SP8: variants seen among roughly 807,000 people sequenced by gnomAD.
SP8 encodes Sp8 transcription factor.
In SP8, 7 loss-of-function variants were observed where a neutral mutation model predicts 15.3. That is an observed-to-expected ratio of 0.46 (90% CI 0.26 to 0.86). The LOEUF is 0.86. Ranked by LOEUF, SP8 falls within the 40% of genes least tolerant of loss-of-function variation. The pLI, the probability that SP8 is intolerant of heterozygous loss-of-function variation, is 0.16. For synonymous variants in SP8, 415 were observed against 356.3 expected (o/e 1.16, Z -1.86); for missense variants, 731 against 736.4 (o/e 0.99, Z 0.09).
rs2128063630 is a variant in SP8 at position 20,785,337 on chromosome 7, C to CAGGG, written c.479_480insCCCT (p.Gly161ProfsTer49). On this transcript the variant is annotated frameshift_variant, in exon 2 of 2. Transcript: ENST00000418710. LOFTEE classifies it low-confidence loss of function (END_TRUNC). The surrounding 1 kb of genome is among the most constrained non-coding windows in gnomAD (Gnocchi z 7.2). ...GCGCGGAGGAGCCGCCGCCGCCGCC[C>CAGGG]CCGCCGCCGCCGCCGCTGCCCCCGG... 67 of 1,368,478 alleles carry CAGGG rather than the reference C, an allele frequency of 4.9e-5. No homozygotes were observed. The highest frequency in any genetic ancestry group is 5.5e-5 in the Non-Finnish European group (56 of 1,021,268). 84.8% of individuals were successfully genotyped at this position (1,368,478 alleles called of 1,614,324 possible).
At position 20,784,198 on chromosome 7, in the gene SP8, T is replaced by A. The variant is rs936740772; in HGVS notation, c.*92A>T. 8.9e-7 allele frequency: 1 copy of A among 1,125,716 alleles called. No homozygotes were observed. The highest frequency in any genetic ancestry group is 1.7e-5 in the African/African-American group (1 of 60,074). The allele number at this position is 1,125,716 out of a possible 1,614,324, so 69.7% of individuals were successfully genotyped here. ...GAGACAGAGAGCGAGTCGGATGCAA[T>A]AGGGAAAGGCTGGAGTTGAAGTCCG... On this transcript the variant is annotated 3_prime_UTR_variant, in exon 2 of 2. Transcript: ENST00000418710.
At position 20,784,881 on chromosome 7, in the gene SP8, C is replaced by A; in HGVS notation, c.936G>T (p.Ser312=). The A allele has an allele frequency of 6.5e-7, 1 of 1,528,586 alleles. No homozygotes were observed. The highest frequency in any genetic ancestry group is 8.7e-7 in the Non-Finnish European group (1 of 1,144,004). 94.7% of individuals were successfully genotyped at this position (1,528,586 alleles called of 1,614,324 possible). ...CCGCGCCGGCCAGCGGCGACGGGGC[C>A]GAGTCCGGGTAGGAGCCGGGTAGCA... ...KPVLPGSYPD[S]APSPLAGAGG... The change falls in exon 2 of 2, where the codon TCG becomes TCT. Residue 312 remains serine, a synonymous_variant. Coordinates refer to ENST00000418710, the MANE Select transcript of SP8 (RefSeq NM_182700.6).
chr7:20,786,878 C>A lies in SP8; in HGVS notation c.-80G>T. 7 of 1,150,668 alleles carry A rather than the reference C, an allele frequency of 6.1e-6. No homozygotes were observed. Among genetic ancestry groups the A allele is most frequent in the Non-Finnish European group, 9.3e-6 (7 of 756,604 alleles). The allele number at this position is 1,150,668 out of a possible 1,614,324, so 71.3% of individuals were successfully genotyped here. A position where few individuals can be genotyped will look rare whatever the true frequency, so the allele number is the denominator to read the frequency against. Reference sequence around the variant, plus strand: ...AGGCAGTGTTTTTTTTAGAGGTGTGCAATACAATGATCAGTTCCGCCCATT... The same window carrying A: ...AGGCAGTGTTTTTTTTAGAGGTGTGAAATACAATGATCAGTTCCGCCCATT... On this transcript the variant is annotated 5_prime_UTR_variant, in exon 1 of 2. Transcript: ENST00000418710. The surrounding 1 kb of genome is among the most constrained non-coding windows in gnomAD (Gnocchi z 4.4).
Position 20,784,363 on chromosome 7 carries a change from G to T in SP8, c.1454C>A (p.Ala485Glu). ...GSDTDSEHSA[A>E]GSPPCHSPEL... ...TGGGGAGTGGCAGGGCGGGCTGCCC[G>T]CGGCGCTGTGCTCGCTGTCGGTGTC... The change falls in exon 2 of 2, where the codon GCG (alanine) becomes GAG (glutamate). Residue 485 changes from alanine (A) to glutamate (E), a missense_variant. Around this residue, in one of 3 missense-constraint regions of SP8, gnomAD observed 114 missense variants for 111.9 expected, o/e 1.02. Transcript: ENST00000418710. The T allele has an allele frequency of 6.6e-7, 1 of 1,522,726 alleles. No individual in the cohort carries two copies. Among genetic ancestry groups the T allele is most frequent in the Non-Finnish European group, 8.8e-7 (1 of 1,142,048 alleles). The allele number at this position is 1,522,726 out of a possible 1,614,324, so 94.3% of individuals were successfully genotyped here.
chr7:20,786,832 T>A lies in SP8; in HGVS notation c.-34A>T. 6.4e-7 allele frequency: 1 copy of A among 1,570,322 alleles called. No individual in the cohort carries two copies. Among genetic ancestry groups the A allele is most frequent in the Non-Finnish European group, 8.8e-7 (1 of 1,140,032 alleles). On this transcript the variant is annotated 5_prime_UTR_variant, in exon 1 of 2. The change creates a new upstream start codon in the 5' untranslated region. Transcript: ENST00000418710. The surrounding 1 kb of genome is among the most constrained non-coding windows in gnomAD (Gnocchi z 4.4). ...AGTGCCCTCCTCCTCTCAGAGGATC[T>A]TTTTTATATTGATAAATCAGAGGCA... is the stretch of plus-strand genomic sequence containing the variant.
chr7:20,785,321 A>AGCCGCCGCC lies in SP8; in HGVS notation c.487_495dup (p.Gly163_Gly165dup), dbSNP rs372591893. On this transcript the variant is annotated inframe_insertion, in exon 2 of 2. Transcript: ENST00000418710. The surrounding 1 kb of genome is among the most constrained non-coding windows in gnomAD (Gnocchi z 7.2). Reference sequence around the variant, plus strand: ...GAGCCGTCCTGCGAGTGCGCGGAGGAGCCGCCGCCGCCGCCCCCGCCGCCG... The same window carrying AGCCGCCGCC: ...GAGCCGTCCTGCGAGTGCGCGGAGGAGCCGCCGCCGCCGCCGCCGCCGCCCCCGCCGCCG... 3.4e-6 allele frequency: 5 copies of AGCCGCCGCC among 1,488,016 alleles called. No homozygotes were observed. The highest frequency in any genetic ancestry group is 2.3e-5 in the Admixed American group (1 of 43,110). The allele number at this position is 1,488,016 out of a possible 1,614,324, so 92.2% of individuals were successfully genotyped here.
Position 20,786,057 on chromosome 7 carries a change from T to TG in SP8, c.22-263dup. The TG allele has an allele frequency of 2.2e-6, 3 of 1,349,876 alleles. No individual in the cohort carries two copies. The highest frequency in any genetic ancestry group is 2.9e-6 in the Non-Finnish European group (3 of 1,048,062). 83.6% of individuals were successfully genotyped at this position (1,349,876 alleles called of 1,614,324 possible). A position where few individuals can be genotyped will look rare whatever the true frequency, so the allele number is the denominator to read the frequency against. ...GCAAGCACCACGCTAAAGAAGAGTT[T>TG]GACAAGTATTCTCACCTAAAACAAC... On this transcript the variant is annotated intron_variant, in intron 1 of 1. Transcript: ENST00000418710. This position sits in a 1 kb window ranked among gnomAD's most constrained non-coding sequence, Gnocchi z 4.4.
At position 20,784,507 on chromosome 7, in the gene SP8, G is replaced by A. The variant is rs375071862; in HGVS notation, c.1310C>T (p.Pro437Leu). 31 of 1,563,016 alleles carry A rather than the reference G, an allele frequency of 2.0e-5. No homozygotes were observed. Among genetic ancestry groups the A allele is most frequent in the African/African-American group, 2.7e-5 (2 of 73,528 alleles). ...THTGEKRFAC[P>L]VCNKRFMRSD... Reference sequence around the variant, plus strand: ...GCGCATGAAGCGCTTGTTGCAAACTGGACAGGCGAAGCGCTTCTCGCCGGT... The same window carrying A: ...GCGCATGAAGCGCTTGTTGCAAACTAGACAGGCGAAGCGCTTCTCGCCGGT... The change falls in exon 2 of 2, where the codon CCA becomes CTA. Residue 437 changes from proline (P) to leucine (L), a missense_variant. Transcript: ENST00000418710.
Position 20,785,522 on chromosome 7 carries a change from C to T in SP8, c.295G>A (p.Ala99Thr), listed in dbSNP as rs1783645743. Residue 99 changes from alanine (A) to threonine (T), a missense_variant, in exon 2 of 2, where the codon GCC (alanine) becomes ACC (threonine). Coordinates refer to ENST00000418710, the MANE Select transcript of SP8 (RefSeq NM_182700.6). This position sits in a 1 kb window ranked among gnomAD's most constrained non-coding sequence, Gnocchi z 7.2. Reference protein sequence around the residue: ...AAAAAAAAAAALVSDSFSCGG... With the variant: ...AAAAAAAAAATLVSDSFSCGG... ...CAGCTGAACGAGTCGGACACCAGGG[C>T]CGCGGCAGCCGCGGCTGCTGCCGCG... The T allele has an allele frequency of 2.8e-6, 4 of 1,441,300 alleles. No homozygotes were observed. Among genetic ancestry groups the T allele is most frequent in the Non-Finnish European group, 3.6e-6 (4 of 1,106,752 alleles). The allele number at this position is 1,441,300 out of a possible 1,614,324, so 89.3% of individuals were successfully genotyped here. A position where few individuals can be genotyped will look rare whatever the true frequency, so the allele number is the denominator to read the frequency against.
chr7:20,784,508 G>T lies in SP8; in HGVS notation c.1309C>A (p.Pro437Thr), dbSNP rs1783601410. 1 of 1,563,170 alleles carries T rather than the reference G, an allele frequency of 6.4e-7. No homozygotes were observed. The highest frequency in any genetic ancestry group is 2.4e-5 in the East Asian group (1 of 41,852). Reference protein sequence around the residue: ...THTGEKRFACPVCNKRFMRSD... With the variant: ...THTGEKRFACTVCNKRFMRSD... ...CGCATGAAGCGCTTGTTGCAAACTG[G>T]ACAGGCGAAGCGCTTCTCGCCGGTG... Residue 437 changes from proline (P) to threonine (T), a missense_variant, in exon 2 of 2, where the codon CCA (proline) becomes ACA (threonine). By Grantham distance (38) the Pro-to-Thr change is conservative. This residue lies in a region of SP8 where 114 missense variants were observed against 111.9 expected (regional missense o/e 1.02). Transcript: ENST00000418710.
rs564793442 is a variant in SP8, at chr7:20,783,233, G to A, written c.*1057C>T. 3 of 152,696 alleles carry A rather than the reference G, an allele frequency of 2.0e-5. No individual in the cohort carries two copies. The highest frequency in any genetic ancestry group is 7.2e-5 in the African/African-American group (3 of 41,532). 9.5% of individuals were successfully genotyped at this position (152,696 alleles called of 1,614,324 possible). On this transcript the variant is annotated 3_prime_UTR_variant, in exon 2 of 2. Transcript: ENST00000418710. Reference sequence around the variant, plus strand: ...GCCGGACTAACAAAAAAGATTGGGAGGTTATGTTTGGGAGTGGTGAAAAAA... The same window carrying A: ...GCCGGACTAACAAAAAAGATTGGGAAGTTATGTTTGGGAGTGGTGAAAAAA...
At position 20,784,326 on chromosome 7, in the gene SP8, C is replaced by A. The variant is rs1400112706; in HGVS notation, c.1491G>T (p.Gln497His). The A allele has an allele frequency of 6.6e-7, 1 of 1,505,720 alleles. No individual in the cohort carries two copies. The highest frequency in any genetic ancestry group is 8.8e-7 in the Non-Finnish European group (1 of 1,134,356). 93.3% of individuals were successfully genotyped at this position (1,505,720 alleles called of 1,614,324 possible). A position where few individuals can be genotyped will look rare whatever the true frequency, so the allele number is the denominator to read the frequency against. Residue 497 changes from glutamine (Q) to histidine (H), a missense_variant, in exon 2 of 2, where the codon CAG (glutamine) becomes CAT (histidine). By Grantham distance (24) the Gln-to-His change is conservative. Around this residue, in one of 3 missense-constraint regions of SP8, gnomAD observed 114 missense variants for 111.9 expected, o/e 1.02. Coordinates refer to ENST00000418710, the MANE Select transcript of SP8 (RefSeq NM_182700.6). Reference sequence around the variant, plus strand: ...CGTTGCGGTGCCCGGGCTCGGGGGGCTGCAGCAGCTCTGGGGAGTGGCAGG... The same window carrying A: ...CGTTGCGGTGCCCGGGCTCGGGGGGATGCAGCAGCTCTGGGGAGTGGCAGG... ...SPPCHSPELL[Q>H]PPEPGHRNGL...
At position 20,785,242 on chromosome 7, in the gene SP8, C is replaced by T. The variant is rs767890193; in HGVS notation, c.575G>A (p.Gly192Asp). 1.9e-6 allele frequency: 3 copies of T among 1,597,030 alleles called. No homozygotes were observed. The highest frequency in any genetic ancestry group is 1.7e-5 in the Admixed American group (1 of 58,818). ...KVHTSVDGLQGIYPRVGMAHP... is the reference protein window; with the variant it reads ...KVHTSVDGLQDIYPRVGMAHP... ...CGCCATGCCCACCCGCGGGTAGATG[C>T]CCTGCAGCCCGTCCACAGAGGTGTG... Residue 192 changes from glycine (G) to aspartate (D), a missense_variant, in exon 2 of 2, where the codon GGC (glycine) becomes GAC (aspartate). Transcript: ENST00000418710. This position sits in a 1 kb window ranked among gnomAD's most constrained non-coding sequence, Gnocchi z 7.2.
rs749454393 is a variant in SP8, at chr7:20,786,745, A to C, written c.21+33T>G. On this transcript the variant is annotated intron_variant, in intron 1 of 1. Coordinates refer to ENST00000418710, the MANE Select transcript of SP8 (RefSeq NM_182700.6). The surrounding 1 kb of genome is among the most constrained non-coding windows in gnomAD (Gnocchi z 4.4). ...TCCAATCGGCAATAAAAGGAAACTAATTAAACCAGCAAGAGAAAATCCTGA... is the reference window on the plus strand; with the variant it reads ...TCCAATCGGCAATAAAAGGAAACTACTTAAACCAGCAAGAGAAAATCCTGA... 3 of 1,610,826 alleles carry C rather than the reference A, an allele frequency of 1.9e-6. No homozygotes were observed. Among genetic ancestry groups the C allele is most frequent in the Non-Finnish European group, 2.5e-6 (3 of 1,177,118 alleles).
chr7:20,786,838 A>G lies in SP8; in HGVS notation c.-40T>C. ...CTCCTCCTCTCAGAGGATCTTTTTT[A>G]TATTGATAAATCAGAGGCAGTGTTT... On this transcript the variant is annotated 5_prime_UTR_variant, in exon 1 of 2. Transcript: ENST00000418710. This position sits in a 1 kb window ranked among gnomAD's most constrained non-coding sequence, Gnocchi z 4.4. The G allele has an allele frequency of 1.3e-6, 2 of 1,539,530 alleles. No homozygotes were observed. The highest frequency in any genetic ancestry group is 1.8e-6 in the Non-Finnish European group (2 of 1,111,726).
In SP8 at chr7:20,784,510, C is replaced by T; in HGVS notation, c.1307G>A (p.Cys436Tyr). The stretch of plus-strand genomic sequence containing the variant: ...CATGAAGCGCTTGTTGCAAACTGGA[C>T]AGGCGAAGCGCTTCTCGCCGGTGTG... ...RTHTGEKRFA[C>Y]PVCNKRFMRS... The change falls in exon 2 of 2, where the codon TGT becomes TAT. Residue 436 changes from cysteine to tyrosine, a missense_variant. Cys to Tyr is a radical substitution (Grantham distance 194). Around this residue, in one of 3 missense-constraint regions of SP8, gnomAD observed 114 missense variants for 111.9 expected, o/e 1.02. Transcript: ENST00000418710. 1 of 1,563,908 alleles carries T rather than the reference C, an allele frequency of 6.4e-7. No homozygotes were observed.
chr7:20,786,216 A>G lies in SP8; in HGVS notation c.22-421T>C, dbSNP rs1241159302. ...ATTGCTTTTAAGAGCGCTTCCCTGT[A>G]ATCCGGAGAGCTTTGAAAAACCTGT... On this transcript the variant is annotated intron_variant, in intron 1 of 1. Coordinates refer to ENST00000418710, the MANE Select transcript of SP8 (RefSeq NM_182700.6). The surrounding 1 kb of genome is among the most constrained non-coding windows in gnomAD (Gnocchi z 4.4). 6.6e-6 allele frequency among the ~76,000 whole-genome samples: 1 copy of G among 152,136 alleles called. No individual in the cohort carries two copies. The highest frequency in any genetic ancestry group is 1.5e-5 in the Non-Finnish European group (1 of 68,018).
chr7:20,784,500 G>A lies in SP8; in HGVS notation c.1317C>T (p.Cys439=). Residue 439 remains cysteine, a synonymous_variant, in exon 2 of 2, where the codon TGC becomes TGT. Coordinates refer to ENST00000418710, the MANE Select transcript of SP8 (RefSeq NM_182700.6). ...TGEKRFACPV[C]NKRFMRSDHL... is the part of the protein sequence containing the mutation. ...GGTCGCTGCGCATGAAGCGCTTGTT[G>A]CAAACTGGACAGGCGAAGCGCTTCT... 1 of 1,560,142 alleles carries A rather than the reference G, an allele frequency of 6.4e-7. No individual in the cohort carries two copies. Among genetic ancestry groups the A allele is most frequent in the South Asian group, 1.2e-5 (1 of 85,150 alleles).
chr7:20,786,769 G>A lies in SP8; in HGVS notation c.21+9C>T, dbSNP rs1783688403. The stretch of plus-strand genomic sequence containing the variant: ...AATTAAACCAGCAAGAGAAAATCCT[G>A]AGACTCACCCCTAGAAGTGAAGTTG... On this transcript the variant is annotated intron_variant, in intron 1 of 1. Transcript: ENST00000418710. The surrounding 1 kb of genome is among the most constrained non-coding windows in gnomAD (Gnocchi z 4.4). 1 of 1,613,558 alleles carries A rather than the reference G, an allele frequency of 6.2e-7. No individual in the cohort carries two copies. Among genetic ancestry groups the A allele is most frequent in the Non-Finnish European group, 8.5e-7 (1 of 1,179,492 alleles).
Sources: gnomAD v4.1 joint callset for allele counts (sites outside exome capture counted in the v4.1 genomes callset) on GRCh38, gnomAD v4.1.1 for gene constraint, gnomAD v4.1.1 regional missense constraint, Gnocchi (gnomAD v3.1) non-coding constraint, MANE v1.5 for transcripts, NCBI Gene and HGNC (gene_info 2026-07-23, HGNC 2026-07-21) for gene names.